The following CFAP299 variants were observed in gnomAD, a reference collection of about 807,000 sequenced individuals.
CFAP299 encodes the protein cilia and flagella associated protein 299, also known as cilia- and flagella-associated protein 299.
Under a neutral mutation model 27.0 loss-of-function variants are expected in CFAP299, and 21 were observed. The ratio of observed to expected loss-of-function variants is 0.78; its 90% CI spans 0.55 to 1.12. CFAP299 has a LOEUF of 1.12. CFAP299 is among the 50% of genes most tolerant of loss of function. The pLI is 0.00. For synonymous variants in CFAP299, 104 were observed against 98.1 expected, an observed-to-expected ratio of 1.06 and a Z score of -0.36; for missense variants, 310 against 276.6, an observed-to-expected ratio of 1.12 and a Z score of -0.86.
At chr4:80,620,553 T>C (rs938431318) in intron 3 of CFAP299, among the ~76,000 whole-genome samples, 4 of 152,176 alleles carry the variant, frequency 2.6e-5, no homozygotes, top group Non-Finnish European at 5.9e-5. Context: ...ACTTAAACTA[T>C]GTTTCAGTTG....
chr4:80,664,365 C>A (rs1224049991), intron 3 of CFAP299, among the ~76,000 whole-genome samples: 1 of 152,078 alleles, frequency 6.6e-6, no homozygotes, highest in Non-Finnish European at 1.5e-5. Flanking sequence ...CAGATGCTCT[C>A]TCTCAGGGAG....
intron 3 of CFAP299, among the ~76,000 whole-genome samples, chr4:80,721,583 A>G (rs1722814954): frequency 1.3e-5 from 2 of 152,164 alleles, no homozygotes; most frequent in South Asian, 4.1e-4. Flanking sequence ...ATACAATCAT[A>G]TTTTTGAGGT....
Position 80,919,904 on chromosome 4 carries a change from G to A in CFAP299, c.477-24906G>A, listed in dbSNP as rs147399402. On this transcript the variant is annotated intron_variant, in intron 4 of 5. Coordinates refer to ENST00000358105, the MANE Select transcript of CFAP299 (RefSeq NM_152770.3). Reference sequence around the variant, plus strand: ...CTTTGCCCCCAGTATATATGGGTTTGCTTGGATACCCTACCCAGCTCCATA... The same window carrying A: ...CTTTGCCCCCAGTATATATGGGTTTACTTGGATACCCTACCCAGCTCCATA... Among the ~76,000 whole-genome samples the A allele has an allele frequency of 1.3e-5, 2 of 152,034 alleles. 1 individual carries two copies. The highest frequency in any genetic ancestry group is 2.9e-5 in the Non-Finnish European group (2 of 67,996).
At chr4:80,445,236 G>A (rs1728564488) in intron 2 of CFAP299, among the ~76,000 whole-genome samples, 1 of 152,172 alleles carries the variant, frequency 6.6e-6, no homozygotes, top group African/African-American at 2.4e-5. Flanking sequence ...TATGTTTATT[G>A]CAGCGCTGTT....
At chr4:80,511,268 G>A (rs969094300) in intron 2 of CFAP299, among the ~76,000 whole-genome samples, 3 of 152,114 alleles carry the variant, frequency 2.0e-5, no homozygotes, top group Non-Finnish European at 4.4e-5. Context: ...TATATGAAAA[G>A]ATGAGAATGG....
intron 3 of CFAP299, among the ~76,000 whole-genome samples, chr4:80,598,814 C>T (rs1409356231): frequency 6.6e-6 from 1 of 152,144 alleles, no homozygotes; most frequent in African/African-American, 2.4e-5. Flanking sequence ...CATACTGTTT[C>T]CTCAGATTTT....
chr4:80,871,649 A>T (rs1422348839), intron 4 of CFAP299: 1 of 978,796 alleles, frequency 1.0e-6, no homozygotes, highest in Non-Finnish European at 1.2e-6. Context: ...TATAACTAAT[A>T]ATTTATTAAA....
intron 3 of CFAP299, among the ~76,000 whole-genome samples, chr4:80,852,494 A>C (rs926558544): frequency 5.3e-5 from 8 of 152,216 alleles, no homozygotes; most frequent in African/African-American, 1.9e-4. Flanking sequence ...ATAAATCAAA[A>C]AGAGAAGTTT....
chr4:80,648,836 C>G (rs1740154725), intron 3 of CFAP299: 1 of 152,056 alleles, frequency 6.6e-6, no homozygotes. Context: ...TATCGGGGAT[C>G]TATAAAAGTT....
At chr4:80,688,936 G>T (rs1474839838) in intron 3 of CFAP299, among the ~76,000 whole-genome samples, 12 of 152,012 alleles carry the variant, frequency 7.9e-5, no homozygotes, top group Non-Finnish European at 1.5e-4. Flanking sequence ...TGGAAGAAAG[G>T]GTATCAGCGA....
chr4:80,487,004 G>A (rs1319640545), intron 2 of CFAP299, among the ~76,000 whole-genome samples: 1 of 152,220 alleles, frequency 6.6e-6, no homozygotes, highest in East Asian at 1.9e-4. Flanking sequence ...TTCTCTGAGA[G>A]TAGTGCTTGA....
intron 2 of CFAP299, among the ~76,000 whole-genome samples, chr4:80,530,998 G>A (rs1173999351): frequency 6.6e-6 from 1 of 152,076 alleles, no homozygotes; most frequent in Non-Finnish European, 1.5e-5. Flanking sequence ...GTATAAGACT[G>A]GAATTTTTAG....
intron 4 of CFAP299, among the ~76,000 whole-genome samples, chr4:80,916,251 A>AC: frequency 1.0e-5 from 1 of 96,198 alleles, no homozygotes; most frequent in Non-Finnish European, 2.0e-5. Context: ...AACTAGACTG[A>AC]AATATATATA....
intron 3 of CFAP299, among the ~76,000 whole-genome samples, chr4:80,666,951 A>G (rs1741170204): frequency 6.6e-6 from 1 of 152,230 alleles, no homozygotes; most frequent in Non-Finnish European, 1.5e-5. Context: ...TCTTCAGGCT[A>G]CATAGCATCC....
intron 4 of CFAP299, among the ~76,000 whole-genome samples, chr4:80,909,756 A>G (rs1389387175): frequency 6.6e-6 from 1 of 152,068 alleles, no homozygotes; most frequent in Non-Finnish European, 1.5e-5. Flanking sequence ...TATAAATAAA[A>G]TATATGATTT....
chr4:80,722,849 C>G, intron 3 of CFAP299, among the ~76,000 whole-genome samples: 1 of 151,786 alleles, frequency 6.6e-6, no homozygotes, highest in Non-Finnish European at 1.5e-5. Flanking sequence ...TGCAGTGAGC[C>G]GAGATCATGC....
At chr4:80,887,923 T>C (rs1384990056) in intron 4 of CFAP299, among the ~76,000 whole-genome samples, 2 of 152,050 alleles carry the variant, frequency 1.3e-5, no homozygotes, top group Non-Finnish European at 2.9e-5. Context: ...TAATGGGTTA[T>C]GAGACAGTAT....
chr4:80,862,567 A>G (rs76157437), intron 3 of CFAP299, among the ~76,000 whole-genome samples: 2,512 of 152,196 alleles, frequency 0.017, 69 homozygotes, highest in African/African-American at 0.057. Context: ...GGCTGCAATT[A>G]TCCACTTTGT....
chr4:80,500,858 C>A (rs917148352), intron 2 of CFAP299, among the ~76,000 whole-genome samples: 38 of 152,184 alleles, frequency 2.5e-4, no homozygotes, highest in African/African-American at 8.2e-4. Context: ...TTTTATAAAA[C>A]CCCTTTTCCC....
Sources: gnomAD v4.1 joint callset for allele counts (sites outside exome capture counted in the v4.1 genomes callset) on GRCh38, gnomAD v4.1.1 for gene constraint, MANE v1.5 for transcripts, NCBI Gene and HGNC (gene_info 2026-07-23, HGNC 2026-07-21) for gene names.